The following STPG2 variants were observed in gnomAD, a reference collection of about 807,000 sequenced individuals.
The protein encoded by STPG2 is sperm-tail PG-rich repeat-containing protein 2.
STPG2 carries 56 observed loss-of-function variants against 54.2 expected under a neutral mutation model. The ratio of observed to expected loss-of-function variants is 1.03; its 90% CI spans 0.83 to 1.29. The LOEUF is 1.29. Among genes scored for constraint, STPG2 ranks in the 50% most tolerant of loss-of-function variants. The pLI is 0.00. For missense variants in STPG2, 596 were observed against 544.9 expected (o/e 1.09, Z -0.93); for synonymous variants, 200 against 181.8 (o/e 1.10, Z -0.81).
chr4:97,727,732 T>TG (rs1357418327), intron 9 of STPG2, among the ~76,000 whole-genome samples: 3 of 151,648 alleles, frequency 2.0e-5, no homozygotes, highest in Non-Finnish European at 4.4e-5. Context: ...CTTTTTTTTT[T>TG]TCACAATTTT....
chr4:97,729,063 T>TCTCTCTCTCTCTCTCTCTCTCTC (rs1724710920), intron 9 of STPG2, among the ~76,000 whole-genome samples: 7 of 124,920 alleles, frequency 5.6e-5, no homozygotes, highest in Non-Finnish European at 8.6e-5. Context: ...CCCCAAGAAT[T>TCTCTCTCTCTCTCTCTCTCTCTC]TCTCTCTCTC....
At chr4:97,900,549 A>G (rs1267891324) in intron 8 of STPG2, among the ~76,000 whole-genome samples, 2 of 152,136 alleles carry the variant, frequency 1.3e-5, no homozygotes, top group African/African-American at 4.8e-5. Context: ...CAGACTGGAT[A>G]AAGAAAATGT....
intron 10 of STPG2, among the ~76,000 whole-genome samples, chr4:97,644,651 C>T (rs1450133500): frequency 2.0e-5 from 3 of 151,932 alleles, no homozygotes; most frequent in Admixed American, 2.0e-4. Context: ...AGTTTGGGAA[C>T]CCGAAACATA....
chr4:98,069,605 G>A (rs1378892819), intron 5 of STPG2, among the ~76,000 whole-genome samples: 2 of 152,018 alleles, frequency 1.3e-5, no homozygotes, highest in African/African-American at 4.8e-5. Context: ...CAGAGTTTGA[G>A]TTCTAACTGT....
intron 6 of STPG2, among the ~76,000 whole-genome samples, chr4:97,979,260 G>A (rs968208691): frequency 4.8e-5 from 2 of 41,450 alleles, no homozygotes; most frequent in East Asian, 3.5e-4. Flanking sequence ...AGAGAAAAAA[G>A]GATGACTCAG....
intron 4 of STPG2, among the ~76,000 whole-genome samples, chr4:97,504,237 C>T (rs1730799731): frequency 7.1e-6 from 1 of 141,094 alleles, no homozygotes; most frequent in Admixed American, 7.3e-5. Flanking sequence ...TACCTGTTAC[C>T]CCCTCTTTTC....
intron 10 of STPG2, among the ~76,000 whole-genome samples, chr4:97,671,697 C>G (rs1578468703): frequency 1.3e-5 from 2 of 152,102 alleles, no homozygotes; most frequent in East Asian, 3.9e-4. Context: ...GAGGCTGAAT[C>G]CTTGCTTTGT....
intron 8 of STPG2, among the ~76,000 whole-genome samples, chr4:97,901,297 T>C (rs1417129202): frequency 6.6e-6 from 1 of 151,856 alleles, no homozygotes; most frequent in Admixed American, 6.6e-5. Context: ...AGATGCCCAC[T>C]TTGCCACTTC....
At chr4:97,597,394 A>G (rs1733326322) in intron 10 of STPG2, among the ~76,000 whole-genome samples, 1 of 152,086 alleles carries the variant, frequency 6.6e-6, no homozygotes, top group Non-Finnish European at 1.5e-5. Context: ...TGGACTCCTC[A>G]CTAACTCATT....
intron 8 of STPG2, among the ~76,000 whole-genome samples, chr4:97,847,470 C>A (rs1728989352): frequency 6.6e-6 from 1 of 152,040 alleles, no homozygotes; most frequent in South Asian, 2.1e-4. Flanking sequence ...TCTCCTGGCA[C>A]ACTGGAAAAG....
chr4:97,848,131 C>A (rs1729025558), intron 8 of STPG2, among the ~76,000 whole-genome samples: 2 of 152,154 alleles, frequency 1.3e-5, no homozygotes, highest in Admixed American at 6.5e-5. Flanking sequence ...GCATCCAAAG[C>A]CTCTTTTCAA....
intron 5 of STPG2, among the ~76,000 whole-genome samples, chr4:98,002,456 C>T (rs1735440766): frequency 6.6e-6 from 1 of 151,740 alleles, no homozygotes; most frequent in Non-Finnish European, 1.5e-5. Flanking sequence ...GGAGGATGGG[C>T]AATGGCAATC....
chr4:97,822,632 T>G (rs1728125721), intron 9 of STPG2, among the ~76,000 whole-genome samples: 1 of 152,240 alleles, frequency 6.6e-6, no homozygotes. Flanking sequence ...GATACTTGCT[T>G]GGCTTCTGGG....
At chr4:97,802,229 GA>G (rs1727422409) in intron 9 of STPG2, among the ~76,000 whole-genome samples, 1 of 152,094 alleles carries the variant, frequency 6.6e-6, no homozygotes, top group Admixed American at 6.5e-5. Flanking sequence ...GAGACATTTT[GA>G]ATGATGTGGT....
chr4:97,746,982 G>A (rs560890641), intron 9 of STPG2, among the ~76,000 whole-genome samples: 1 of 149,318 alleles, frequency 6.7e-6, no homozygotes, highest in South Asian at 2.1e-4. Context: ...AAAAGTGTGG[G>A]AAGGATAGCA....
At chr4:97,519,940 T>C (rs1407311458) in intron 4 of STPG2, among the ~76,000 whole-genome samples, 1 of 152,096 alleles carries the variant, frequency 6.6e-6, no homozygotes, top group East Asian at 1.9e-4. Context: ...TTTTATCTTA[T>C]TTGTTGTGTA....
At chr4:97,520,304 G>A (rs927490559) in intron 4 of STPG2, among the ~76,000 whole-genome samples, 1 of 151,968 alleles carries the variant, frequency 6.6e-6, no homozygotes. Flanking sequence ...AGAAAGTCTA[G>A]TACAAGTAGG....
chr4:98,072,030 C>T (rs1480010648), intron 5 of STPG2, among the ~76,000 whole-genome samples: 3 of 152,070 alleles, frequency 2.0e-5, no homozygotes, highest in Admixed American at 2.0e-4. Flanking sequence ...GGCAGAAATA[C>T]CATTTGACCC....
At chr4:97,511,892 AG>A (rs1362445335) in intron 4 of STPG2, among the ~76,000 whole-genome samples, 3 of 152,122 alleles carry the variant, frequency 2.0e-5, no homozygotes, top group Non-Finnish European at 4.4e-5. Flanking sequence ...ACCTGTGAAA[AG>A]CATGCCATAT....
Sources: allele counts gnomAD v4.1 joint callset (sites outside exome capture counted in the v4.1 genomes callset), GRCh38; gene constraint gnomAD v4.1.1; transcripts MANE v1.5; gene names NCBI Gene and HGNC (gene_info 2026-07-23, HGNC 2026-07-21).